Variants in MAP3K2 observed in about 807,000 individuals in gnomAD.
MAP3K2 encodes the protein MAP/ERK kinase kinase 2.
Under a neutral mutation model 80.3 loss-of-function variants are expected in MAP3K2, and 24 were observed. That is an observed-to-expected ratio of 0.30 (90% CI 0.22 to 0.42). The LOEUF (loss-of-function observed/expected upper bound fraction) is 0.42. Among genes scored for constraint, MAP3K2 ranks in the 10% least tolerant of loss-of-function variants. The pLI is 1.00. For synonymous variants in MAP3K2, 244 were observed against 253.7 expected (o/e 0.96, Z 0.36); for missense variants, 608 against 750.1 (o/e 0.81, Z 2.21).
chr2:127,316,705 C>T (rs1459303876), intron 14 of MAP3K2, among the ~76,000 whole-genome samples: 1 of 152,138 alleles, frequency 6.6e-6, no homozygotes, highest in Non-Finnish European at 1.5e-5. Context: ...CTTTGCATTG[C>T]TACAGTGGAA....
At chr2:127,313,476 CAGGAACT>C (rs1050140361) in intron 15 of MAP3K2, among the ~76,000 whole-genome samples, 28 of 152,152 alleles carry the variant, frequency 1.8e-4, no homozygotes, top group African/African-American at 6.8e-4. Flanking sequence ...ACTCTATCAC[CAGGAACT>C]GGTTAGGAAT....
chr2:127,378,951 C>G (rs576859346), intron 1 of MAP3K2, among the ~76,000 whole-genome samples: 1 of 150,264 alleles, frequency 6.7e-6, no homozygotes. Flanking sequence ...TGTGCTATCA[C>G]GTCTGGCTAA....
chr2:127,360,261 T>A (rs573416625), intron 1 of MAP3K2, among the ~76,000 whole-genome samples: 6 of 151,922 alleles, frequency 3.9e-5, no homozygotes, highest in Non-Finnish European at 8.8e-5. Flanking sequence ...GAAGCTAGAC[T>A]CTTCCCCACT....
chr2:127,387,469 C>G lies in MAP3K2; in HGVS notation c.-83G>C, dbSNP rs1374372176. ...GCACGTACCGGCTGCTCCGCAGGGA[C>G]GTAGAGAGCCGCAGGCCCAAGGAGG... On this transcript the variant is annotated 5_prime_UTR_variant, in exon 1 of 17. Transcript: ENST00000682094. 1.0e-6 allele frequency: 1 copy of G among 985,436 alleles called. No individual in the cohort carries two copies. The highest frequency in any genetic ancestry group is 6.2e-5 in the Admixed American group (1 of 16,244). The allele number at this position is 985,436 out of a possible 1,614,324, so 61.0% of individuals were successfully genotyped here. A position where few individuals can be genotyped will look rare whatever the true frequency, so the allele number is the denominator to read the frequency against.
chr2:127,330,152 T>A, intron 6 of MAP3K2, 144 bp from the exon 7 acceptor site: 1 of 604,564 alleles, frequency 1.7e-6, no homozygotes, highest in Non-Finnish European at 2.9e-6. Context: ...AATTCTAACA[T>A]AATTCTAAGT....
At chr2:127,320,567 G>A (rs1002990693) in intron 12 of MAP3K2, among the ~76,000 whole-genome samples, 1 of 152,066 alleles carries the variant, frequency 6.6e-6, no homozygotes, top group Non-Finnish European at 1.5e-5. Flanking sequence ...AAAATACTTG[G>A]AGAGGTAACA....
At position 127,304,955 on chromosome 2, in the gene MAP3K2, ATTACT is replaced by A. The variant is rs1685667938; in HGVS notation, c.*2619_*2623del. Reference sequence around the variant, plus strand: ...ATTTTTAAGTCTTTACATAAAGAACATTACTTTCCCATAGCTAATAATATTTTTCT... The same window carrying A: ...ATTTTTAAGTCTTTACATAAAGAACATTCCCATAGCTAATAATATTTTTCT... On this transcript the variant is annotated 3_prime_UTR_variant, in exon 17 of 17. Coordinates refer to ENST00000682094, the MANE Select transcript of MAP3K2 (RefSeq NM_001371910.2). 1 of 152,540 alleles carries A rather than the reference ATTACT, an allele frequency of 6.6e-6. No individual in the cohort carries two copies. Among genetic ancestry groups the A allele is most frequent in the African/African-American group, 2.4e-5 (1 of 41,444 alleles). The allele number at this position is 152,540 out of a possible 1,614,324, so 9.4% of individuals were successfully genotyped here.
chr2:127,384,141 C>T (rs1030581503), intron 1 of MAP3K2, among the ~76,000 whole-genome samples: 26 of 151,120 alleles, frequency 1.7e-4, no homozygotes, highest in African/African-American at 6.1e-4. Context: ...GTGATCTGCC[C>T]GCCTCGGCCT....
chr2:127,347,837 C>T (rs1223741013), intron 1 of MAP3K2, among the ~76,000 whole-genome samples: 1 of 151,950 alleles, frequency 6.6e-6, no homozygotes, highest in African/African-American at 2.4e-5. Context: ...CAGGGAAATG[C>T]CAATAAAAAT....
chr2:127,377,326 AAATGTGGGC>A (rs1687168662), intron 1 of MAP3K2, among the ~76,000 whole-genome samples: 2 of 152,194 alleles, frequency 1.3e-5, no homozygotes, highest in Admixed American at 1.3e-4. Flanking sequence ...AATTATAAAA[AAATGTGGGC>A]AATTATAAAA....
chr2:127,366,498 C>G (rs1435694714), intron 1 of MAP3K2, among the ~76,000 whole-genome samples: 2 of 151,824 alleles, frequency 1.3e-5, no homozygotes, highest in Non-Finnish European at 2.9e-5. Flanking sequence ...ATAAAAAATT[C>G]TGAGAAGAAA....
At position 127,322,296 on chromosome 2, in the gene MAP3K2, G is replaced by T; in HGVS notation, c.839-44C>A. ...ATGACCTTATACCTTTTATTAATAT[G>T]TTATACTTTTAAAGTATTTAAAATT... is the stretch of plus-strand genomic sequence containing the variant. On this transcript the variant is annotated intron_variant, in intron 11 of 16. Transcript: ENST00000682094. The surrounding 1 kb of genome is among the most constrained non-coding windows in gnomAD (Gnocchi z 4.2). The T allele has an allele frequency of 1.6e-6, 2 of 1,242,808 alleles. No homozygotes were observed. Among genetic ancestry groups the T allele is most frequent in the Non-Finnish European group, 2.3e-6 (2 of 875,758 alleles). The allele number at this position is 1,242,808 out of a possible 1,614,324, so 77.0% of individuals were successfully genotyped here. A position where few individuals can be genotyped will look rare whatever the true frequency, so the allele number is the denominator to read the frequency against.
intron 1 of MAP3K2, among the ~76,000 whole-genome samples, chr2:127,384,851 G>A (rs1306320320): frequency 6.6e-6 from 1 of 151,910 alleles, no homozygotes; most frequent in African/African-American, 2.4e-5. Context: ...TGCCCACGCT[G>A]TTCTTGAATT....
intron 1 of MAP3K2, chr2:127,378,125 A>T: frequency 1.0e-6 from 1 of 972,684 alleles, no homozygotes; most frequent in African/African-American, 1.8e-5. Flanking sequence ...ATACTGAGAG[A>T]AGATGACAGA....
rs142067615 is a variant in MAP3K2 at position 127,336,050 on chromosome 2, T to G, written c.165-81A>C. ...TTGCAAAAGTTACCTCCTTTTAGAG[T>G]GATACAAGATTAACTAAAAATTACG... On this transcript the variant is annotated intron_variant, in intron 4 of 16. Transcript: ENST00000682094. 535 of 729,928 alleles carry G rather than the reference T, an allele frequency of 7.3e-4. 6 individuals are homozygous for G. In the African/African-American group the frequency reaches 7.7e-3, roughly 11 times the overall value. The allele number at this position is 729,928 out of a possible 1,614,324, so 45.2% of individuals were successfully genotyped here. A position where few individuals can be genotyped will look rare whatever the true frequency, so the allele number is the denominator to read the frequency against.
intron 1 of MAP3K2, 137 bp from the exon 2 acceptor site, chr2:127,343,331 G>A (rs925026086): frequency 6.4e-5 from 32 of 498,984 alleles, no homozygotes; most frequent in Middle Eastern, 5.2e-4. Flanking sequence ...GCTAGGGGGA[G>A]GTGTTTTATA....
At chr2:127,335,478 A>T (rs1686347839) in intron 5 of MAP3K2, among the ~76,000 whole-genome samples, 1 of 152,220 alleles carries the variant, frequency 6.6e-6, no homozygotes, top group Non-Finnish European at 1.5e-5. Flanking sequence ...TTGAGCCCTA[A>T]CCAACACTAA....
chr2:127,340,995 G>C (rs1323045723), intron 2 of MAP3K2, among the ~76,000 whole-genome samples: 1 of 151,834 alleles, frequency 6.6e-6, no homozygotes, highest in African/African-American at 2.4e-5. Context: ...GGGGGGGACG[G>C]GGGAAGCAAG....
At chr2:127,324,401 C>G (rs531740555) in intron 9 of MAP3K2, among the ~76,000 whole-genome samples, 160 bp from the exon 10 acceptor site, 1 of 152,198 alleles carries the variant, frequency 6.6e-6, no homozygotes, top group Non-Finnish European at 1.5e-5. Context: ...AAAAACTACA[C>G]TTACTTGGTA....
Sources: allele counts gnomAD v4.1 joint callset (sites outside exome capture counted in the v4.1 genomes callset), GRCh38; gene constraint gnomAD v4.1.1; non-coding constraint Gnocchi (gnomAD v3.1); transcripts MANE v1.5; gene names NCBI Gene and HGNC (gene_info 2026-07-23, HGNC 2026-07-21).